Variants in RERE observed in about 807,000 individuals in gnomAD.
RERE encodes the protein arginine-glutamic acid dipeptide repeats protein.
Under a neutral mutation model 146.1 loss-of-function variants are expected in RERE, and 40 were observed. The observed-to-expected ratio is 0.27, with a 90% CI of 0.21 to 0.36. The LOEUF (loss-of-function observed/expected upper bound fraction) is 0.36, where lower values mean the gene tolerates loss of function less well. RERE is among the 10% of genes least tolerant of loss of function. The probability of loss-of-function intolerance (pLI) is 1.00; values close to 1 mark genes in which losing one functional copy is unlikely to be tolerated. For synonymous variants in RERE, 1,003 were observed against 866.0 expected, an observed-to-expected ratio of 1.16 and a Z score of -2.78; for missense variants, 1,933 against 2,138.7, an observed-to-expected ratio of 0.90 and a Z score of 1.90.
intron 11 of RERE, among the ~76,000 whole-genome samples, chr1:8,445,831 A>AC (rs961000095): frequency 3.3e-5 from 1 of 30,660 alleles, no homozygotes; most frequent in South Asian, 1.3e-3. Flanking sequence ...ACCCGCCCCC[A>AC]CCCCCCAACA....
intron 1 of RERE, among the ~76,000 whole-genome samples, chr1:8,748,761 T>A (rs12567502): frequency 0.23 from 34,664 of 152,146 alleles, 5,526 homozygotes; most frequent in East Asian, 0.77. Flanking sequence ...GTGTGGACTT[T>A]AAGCATTTCA....
intron 12 of RERE, among the ~76,000 whole-genome samples, chr1:8,374,826 T>C (rs1642177379): frequency 6.6e-6 from 1 of 152,218 alleles, no homozygotes; most frequent in Non-Finnish European, 1.5e-5. Context: ...CAGTTTTCTG[T>C]TCCTCAGCAC....
intron 12 of RERE, among the ~76,000 whole-genome samples, chr1:8,371,456 G>C (rs557559902): frequency 1.3e-5 from 2 of 152,220 alleles, no homozygotes; most frequent in African/African-American, 4.8e-5. Context: ...GGAAGAAGTA[G>C]TAAGCTGCTT....
chr1:8,607,530 A>ATATATTTTTTTTT (rs1646732034), intron 4 of RERE, among the ~76,000 whole-genome samples: 1 of 57,582 alleles, frequency 1.7e-5, no homozygotes, highest in African/African-American at 6.8e-5. Context: ...TTTTATATAT[A>ATATATTTTTTTTT]TTTCTTTTTT....
intron 3 of RERE, among the ~76,000 whole-genome samples, chr1:8,616,293 GA>G (rs574071584): frequency 1.2e-3 from 178 of 152,242 alleles, no homozygotes; most frequent in African/African-American, 4.1e-3. Context: ...ATATTTTAAA[GA>G]GGCATTTTTT....
At chr1:8,378,536 G>A (rs933098976) in intron 12 of RERE, among the ~76,000 whole-genome samples, 4 of 152,110 alleles carry the variant, frequency 2.6e-5, no homozygotes, top group Non-Finnish European at 4.4e-5. Flanking sequence ...AATCCAGTAC[G>A]ACTGGTGTCC....
At chr1:8,660,060 TA>T (rs1638418419) in intron 1 of RERE, among the ~76,000 whole-genome samples, 2 of 151,860 alleles carry the variant, frequency 1.3e-5, no homozygotes, top group Admixed American at 1.3e-4. Flanking sequence ...ATTAATATAT[TA>T]AATTATATGA....
chr1:8,730,209 A>G (rs1256019194), intron 1 of RERE, among the ~76,000 whole-genome samples: 2 of 152,254 alleles, frequency 1.3e-5, no homozygotes, highest in African/African-American at 4.8e-5. Flanking sequence ...AATCCCTTTG[A>G]AGGTCACTAT....
chr1:8,729,841 C>A (rs1207816346), intron 1 of RERE, among the ~76,000 whole-genome samples: 2 of 152,168 alleles, frequency 1.3e-5, no homozygotes, highest in Admixed American at 1.3e-4. Flanking sequence ...ACAGATGCAG[C>A]TGATTCCTCC....
intron 1 of RERE, among the ~76,000 whole-genome samples, chr1:8,673,682 G>A (rs1475860031): frequency 6.6e-6 from 1 of 152,174 alleles, no homozygotes; most frequent in African/African-American, 2.4e-5. Context: ...CTCCAAAACA[G>A]AAGTGCCAAA....
chr1:8,491,261 C>G (rs531044360), intron 10 of RERE, among the ~76,000 whole-genome samples: 5 of 143,194 alleles, frequency 3.5e-5, no homozygotes, highest in Non-Finnish European at 7.4e-5. Flanking sequence ...ACCAACATGG[C>G]GAAACCCTGT....
chr1:8,352,781 T>C lies in RERE; in HGVS notation c.*2306A>G, dbSNP rs1641145322. 1 of 152,264 alleles carries C rather than the reference T, an allele frequency of 6.6e-6. No individual in the cohort carries two copies. The highest frequency in any genetic ancestry group is 2.1e-4 in the South Asian group (1 of 4,814). 9.4% of individuals were successfully genotyped at this position (152,264 alleles called of 1,614,324 possible). A position where few individuals can be genotyped will look rare whatever the true frequency, so the allele number is the denominator to read the frequency against. On this transcript the variant is annotated 3_prime_UTR_variant, in exon 23 of 23. Coordinates refer to ENST00000400908, the MANE Select transcript of RERE (RefSeq NM_001042681.2). ...CAAACTGTAGTTTATCTGGTGAGGG[T>C]TTCGGGTCGAGGGTTTTTTAGATGG...
chr1:8,648,435 T>C (rs1647431757), intron 2 of RERE, among the ~76,000 whole-genome samples: 1 of 152,200 alleles, frequency 6.6e-6, no homozygotes, highest in South Asian at 2.1e-4. Context: ...TTTCGCCATG[T>C]TGCCCAAGCT....
intron 10 of RERE, among the ~76,000 whole-genome samples, chr1:8,471,345 C>G (rs560735204): frequency 6.6e-6 from 1 of 151,880 alleles, no homozygotes; most frequent in Admixed American, 6.6e-5. Flanking sequence ...AGGGTGTTGG[C>G]TCTGTCTCCC....
intron 1 of RERE, among the ~76,000 whole-genome samples, chr1:8,784,003 T>A (rs1444683465): frequency 6.6e-6 from 1 of 152,186 alleles, no homozygotes; most frequent in African/African-American, 2.4e-5. Context: ...ACACCTTGAT[T>A]TCAGACTTCT....
At chr1:8,599,487 T>C (rs1210431873) in intron 4 of RERE, among the ~76,000 whole-genome samples, 1 of 152,184 alleles carries the variant, frequency 6.6e-6, no homozygotes. Flanking sequence ...AGTGTATAGA[T>C]GTCCAACCCT....
intron 4 of RERE, among the ~76,000 whole-genome samples, chr1:8,571,203 T>G (rs1235410150): frequency 6.6e-6 from 1 of 152,200 alleles, no homozygotes; most frequent in Non-Finnish European, 1.5e-5. Flanking sequence ...AAAACTGGCA[T>G]CATTAAACAA....
chr1:8,431,086 C>T (rs796259318), intron 11 of RERE, among the ~76,000 whole-genome samples: 44 of 152,314 alleles, frequency 2.9e-4, no homozygotes, highest in African/African-American at 1.1e-3. Flanking sequence ...ACTACTGGCA[C>T]AAGTAAAACT....
chr1:8,585,659 T>A (rs2124080194), intron 4 of RERE, among the ~76,000 whole-genome samples: 1 of 152,260 alleles, frequency 6.6e-6, no homozygotes, highest in Non-Finnish European at 1.5e-5. Context: ...AATGGGACAA[T>A]CTGGCTTCAA....
Sources: gnomAD v4.1 joint callset for allele counts (sites outside exome capture counted in the v4.1 genomes callset) on GRCh38, gnomAD v4.1.1 for gene constraint, MANE v1.5 for transcripts, NCBI Gene and HGNC (gene_info 2026-07-23, HGNC 2026-07-21) for gene names.